Variants in INPP5D observed in about 807,000 individuals in gnomAD.
INPP5D encodes the protein inositol polyphosphate-5-phosphatase D, also known as phosphatidylinositol 3,4,5-trisphosphate 5-phosphatase 1.
A neutral mutation model predicts 122.9 loss-of-function variants in INPP5D; 33 were observed. That is an observed-to-expected ratio of 0.27 (90% confidence interval 0.20 to 0.36). INPP5D has a LOEUF of 0.36. Ranked by LOEUF, INPP5D falls within the 10% of genes least tolerant of loss-of-function variation. The probability of loss-of-function intolerance (pLI) is 1.00; values close to 1 mark genes in which losing one functional copy is unlikely to be tolerated. For missense variants in INPP5D, 1,053 were observed against 1,412.7 expected, an observed-to-expected ratio of 0.75 and a Z score of 4.08; for synonymous variants, 584 against 576.2, an observed-to-expected ratio of 1.01 and a Z score of -0.19.
At chr2:233,084,781 C>A (rs1336874471) in intron 2 of INPP5D, among the ~76,000 whole-genome samples, 1 of 152,240 alleles carries the variant, frequency 6.6e-6, no homozygotes, top group African/African-American at 2.4e-5. Flanking sequence ...AGGTTCAGGG[C>A]ATAGAAGCCT....
intron 1 of INPP5D, among the ~76,000 whole-genome samples, chr2:233,064,770 A>G (rs943911534): frequency 2.0e-5 from 3 of 152,222 alleles, no homozygotes; most frequent in African/African-American, 7.2e-5. Flanking sequence ...GGAGCCGCAG[A>G]GAAGGGACTT....
Position 233,081,301 on chromosome 2 carries a change from G to A in INPP5D, c.198+1903G>A, listed in dbSNP as rs568662607. On this transcript the variant is annotated intron_variant, in intron 2 of 26. Coordinates refer to ENST00000445964, the MANE Select transcript of INPP5D (RefSeq NM_001017915.3). The stretch of plus-strand genomic sequence containing the variant: ...TACCATTTTTTTCAAGTCTAGGAGG[G>A]CATGAGCTTTTCTGGCAGAGTTGGC... Among the ~76,000 whole-genome samples, 5 of 152,330 alleles carry A rather than the reference G, an allele frequency of 3.3e-5. No individual in the cohort carries two copies. In the South Asian group the frequency reaches 8.3e-4, roughly 25 times the overall value.
At chr2:233,142,623 G>C (rs1330176297) in intron 6 of INPP5D, among the ~76,000 whole-genome samples, 1 of 152,186 alleles carries the variant, frequency 6.6e-6, no homozygotes, top group Non-Finnish European at 1.5e-5. Context: ...TGGCTGGCCT[G>C]GGGGATGGGG....
intron 17 of INPP5D, among the ~76,000 whole-genome samples, chr2:233,172,691 C>A (rs1019044546): frequency 2.6e-5 from 4 of 152,130 alleles, no homozygotes; most frequent in Non-Finnish European, 5.9e-5. Context: ...CGCTTAACAA[C>A]GGGGATATGT....
rs762492547 is a variant in INPP5D at position 233,204,388 on chromosome 2, G to A, written c.3238G>A (p.Ala1080Thr). 2.9e-5 allele frequency: 46 copies of A among 1,610,234 alleles called. No individual in the cohort carries two copies. Among genetic ancestry groups the A allele is most frequent in the Non-Finnish European group, 3.7e-5 (44 of 1,178,458 alleles). Residue 1080 changes from alanine (A) to threonine (T), a missense_variant, in exon 26 of 27, where the codon GCG becomes ACG. Transcript: ENST00000445964. Reference sequence around the variant, plus strand: ...CGAGGGGCCCGGCAAGCAGGTGCCCGCGCCCCGGCTGCGCTCCTTCACGTG... The same window carrying A: ...CGAGGGGCCCGGCAAGCAGGTGCCCACGCCCCGGCTGCGCTCCTTCACGTG... ...RGEGPGKQVP[A>T]PRLRSFTCSS...
In INPP5D at chr2:233,105,557, T is replaced by C. The variant is rs1297404391; in HGVS notation, c.199-16550T>C. Among the ~76,000 whole-genome samples the C allele has an allele frequency of 2.0e-5, 3 of 152,132 alleles. No homozygotes were observed. Among genetic ancestry groups the C allele is most frequent in the Non-Finnish European group, 4.4e-5 (3 of 68,022 alleles). On this transcript the variant is annotated intron_variant, in intron 2 of 26. Coordinates refer to ENST00000445964, the MANE Select transcript of INPP5D (RefSeq NM_001017915.3). The surrounding 1 kb of genome is among the most constrained non-coding windows in gnomAD (Gnocchi z 4.0). ...TGTGTCTTGCTCCTTTGCTGGACTGTGGGCAGGGCCTGGGTCTGTGTTGGT... is the reference window on the plus strand; with the variant it reads ...TGTGTCTTGCTCCTTTGCTGGACTGCGGGCAGGGCCTGGGTCTGTGTTGGT...
At chr2:233,198,470 C>G (rs1695244424) in intron 25 of INPP5D, 94 bp downstream of exon 25, 2 of 1,475,220 alleles carry the variant, frequency 1.4e-6, no homozygotes, top group Non-Finnish European at 1.8e-6. Flanking sequence ...CTCATAAGGG[C>G]CACAATTTGT....
intron 13 of INPP5D, among the ~76,000 whole-genome samples, chr2:233,167,742 C>T (rs112367088): frequency 5.9e-5 from 9 of 152,096 alleles, no homozygotes; most frequent in African/African-American, 1.4e-4. Context: ...CCGTGGCTCA[C>T]GCCTGTAATC....
intron 2 of INPP5D, among the ~76,000 whole-genome samples, chr2:233,097,033 A>T (rs1692163070): frequency 6.6e-6 from 1 of 152,142 alleles, no homozygotes; most frequent in African/African-American, 2.4e-5. Flanking sequence ...ATTTATTTTT[A>T]TGTTTGGTAT....
chr2:233,094,874 A>T (rs149636105), intron 2 of INPP5D, among the ~76,000 whole-genome samples: 2 of 152,200 alleles, frequency 1.3e-5, no homozygotes, highest in Non-Finnish European at 2.9e-5. Flanking sequence ...GCCAATGTCT[A>T]TCAACATCCG....
intron 5 of INPP5D, among the ~76,000 whole-genome samples, chr2:233,132,885 AT>A (rs35276718): frequency 0.42 from 49,441 of 117,550 alleles, 8,923 homozygotes; most frequent in East Asian, 0.46. Context: ...ATGAACAAGA[AT>A]TTTTTTTTTT....
chr2:233,130,010 T>C (rs1386120587), intron 4 of INPP5D, among the ~76,000 whole-genome samples: 4 of 152,160 alleles, frequency 2.6e-5, no homozygotes, highest in Non-Finnish European at 5.9e-5. Flanking sequence ...CAAATGATTC[T>C]CCTGTCTCAG....
chr2:233,085,639 A>C (rs1691810770), intron 2 of INPP5D, among the ~76,000 whole-genome samples: 2 of 152,048 alleles, frequency 1.3e-5, no homozygotes, highest in African/African-American at 4.8e-5. Flanking sequence ...GTAAGTTTTT[A>C]TTCCAGCTCT....
At chr2:233,150,373 C>T (rs968769922) in intron 9 of INPP5D, among the ~76,000 whole-genome samples, 4 of 152,200 alleles carry the variant, frequency 2.6e-5, no homozygotes, top group African/African-American at 9.7e-5. Context: ...TCCTCCTTTG[C>T]TTCTGCTATG....
intron 3 of INPP5D, among the ~76,000 whole-genome samples, chr2:233,123,296 A>G (rs529550051): frequency 1.1e-4 from 16 of 152,110 alleles, no homozygotes; most frequent in Non-Finnish European, 2.2e-4. Context: ...TCTACTAAAA[A>G]TACAAAAATT....
At chr2:233,202,759 G>A (rs182932561) in intron 25 of INPP5D, among the ~76,000 whole-genome samples, 168 of 152,288 alleles carry the variant, frequency 1.1e-3, no homozygotes, top group African/African-American at 3.9e-3. Flanking sequence ...CCCATTTCTC[G>A]TTCTCATAGT....
rs201540228 is a variant in INPP5D, at chr2:233,181,638, AC to A, written c.2072-769del. 1.5e-3 allele frequency among the ~76,000 whole-genome samples: 231 copies of A among 151,958 alleles called. 2 individuals carry two copies. In the East Asian group the frequency reaches 0.025, roughly 16 times the overall value. ...AAAGTGCTCTGCTGCCTCCATTCTC[AC>A]CCGAGCACCAAGCTCCTTAACAGAG... On this transcript the variant is annotated intron_variant, in intron 18 of 26. Coordinates refer to ENST00000445964, the MANE Select transcript of INPP5D (RefSeq NM_001017915.3).
intron 2 of INPP5D, among the ~76,000 whole-genome samples, chr2:233,121,570 C>T (rs1420358937): frequency 6.8e-6 from 1 of 147,540 alleles, no homozygotes; most frequent in South Asian, 2.1e-4. Flanking sequence ...GGCTGGAGTG[C>T]AGCGGCGCAA....
At chr2:233,152,735 C>T (rs1055577533) in intron 9 of INPP5D, among the ~76,000 whole-genome samples, 12 of 152,130 alleles carry the variant, frequency 7.9e-5, no homozygotes, top group Admixed American at 2.0e-4. Context: ...GCGTGTGAGA[C>T]GGCTGGGCGG....
Sources: gnomAD v4.1 joint callset for allele counts (sites outside exome capture counted in the v4.1 genomes callset) on GRCh38, gnomAD v4.1.1 for gene constraint, Gnocchi (gnomAD v3.1) non-coding constraint, MANE v1.5 for transcripts, NCBI Gene and HGNC (gene_info 2026-07-23, HGNC 2026-07-21) for gene names.